Variants in ARHGDIB observed in about 807,000 individuals in gnomAD.
ARHGDIB encodes rho GDP-dissociation inhibitor 2.
In ARHGDIB, 20 loss-of-function variants were observed where a neutral mutation model predicts 22.6. The ratio of observed to expected loss-of-function variants is 0.88; its 90% CI spans 0.62 to 1.28. The LOEUF is 1.28. Ranked by LOEUF, ARHGDIB falls within the 50% of genes most tolerant of loss-of-function variation. The probability of loss-of-function intolerance (pLI) is 0.00; values close to 1 mark genes in which losing one functional copy is unlikely to be tolerated. For missense variants in ARHGDIB, 254 were observed against 245.4 expected, an observed-to-expected ratio of 1.04 and a Z score of -0.23; for synonymous variants, 114 against 96.1, an observed-to-expected ratio of 1.19 and a Z score of -1.09.
chr12:14,953,312 A>G (rs575836215), intron 1 of ARHGDIB, among the ~76,000 whole-genome samples: 1 of 152,324 alleles, frequency 6.6e-6, no homozygotes, highest in African/African-American at 2.4e-5. Flanking sequence ...AGACCAGGTG[A>G]TCCCAAACTA....
chr12:14,947,356 G>A (rs549353316), intron 4 of ARHGDIB, among the ~76,000 whole-genome samples: 19 of 152,262 alleles, frequency 1.2e-4, no homozygotes, highest in African/African-American at 4.6e-4. Flanking sequence ...CTTTAGCAAA[G>A]ATCACACTTC....
In ARHGDIB at chr12:14,950,532, C is replaced by G; in HGVS notation, c.181G>C (p.Asp61His). The change falls in exon 2 of 6, where the codon GAT becomes CAT. Residue 61 changes from aspartate to histidine, a missense_variant and splice_region_variant. Coordinates refer to ENST00000228945, the MANE Select transcript of ARHGDIB (RefSeq NM_001175.7). ...TLLGDGPVVT[D>H]PKAPNVVVTR... Reference sequence around the variant, plus strand: ...CACCCTGTTCTCTGTACACACATACCTGTCACCACAGGACCATCTCCCAGC... The same window carrying G: ...CACCCTGTTCTCTGTACACACATACGTGTCACCACAGGACCATCTCCCAGC... 6.2e-7 allele frequency: 1 copy of G among 1,611,430 alleles called. No individual in the cohort carries two copies. Among genetic ancestry groups the G allele is most frequent in the Non-Finnish European group, 8.5e-7 (1 of 1,178,532 alleles).
intron 2 of ARHGDIB, 121 bp downstream of exon 2, chr12:14,950,411 C>G: frequency 1.2e-6 from 1 of 822,728 alleles, no homozygotes; most frequent in Non-Finnish European, 1.9e-6. Context: ...TAAATTGTGC[C>G]TCGCTCACTT....
rs192485494 is a variant in ARHGDIB, at chr12:14,951,255, C to T, written c.-12-531G>A. On this transcript the variant is annotated intron_variant, in intron 1 of 5. Transcript: ENST00000228945. ...CTGTCCCTGAACTCCAGCAATGCCT[C>T]AAAGATGACTCATGACGAACCGTTG... is the stretch of plus-strand genomic sequence containing the variant. 1.9e-3 allele frequency: 286 copies of T among 153,426 alleles called. 2 individuals are homozygous for T. Among genetic ancestry groups the T allele is most frequent in the Non-Finnish European group, 1.2e-3 (81 of 68,566 alleles). The allele number at this position is 153,426 out of a possible 1,614,324, so 9.5% of individuals were successfully genotyped here.
chr12:14,952,098 A>G (rs1404619365), intron 1 of ARHGDIB, among the ~76,000 whole-genome samples: 1 of 152,176 alleles, frequency 6.6e-6, no homozygotes, highest in Non-Finnish European at 1.5e-5. Flanking sequence ...CACAACTATA[A>G]GAAAATGTCT....
chr12:14,959,633 C>T (rs780791992), intron 1 of ARHGDIB, among the ~76,000 whole-genome samples: 2 of 152,160 alleles, frequency 1.3e-5, no homozygotes, highest in Non-Finnish European at 2.9e-5. Context: ...CCCAAATCAG[C>T]TCAGACCCGT....
At chr12:14,947,820 T>C in intron 4 of ARHGDIB, 53 bp downstream of exon 4, 2 of 1,407,080 alleles carry the variant, frequency 1.4e-6, no homozygotes, top group Non-Finnish European at 2.0e-6. Flanking sequence ...ATGTAGTCAC[T>C]GATTAAAGAA....
Position 14,954,978 on chromosome 12 carries a change from T to G in ARHGDIB, c.-12-4254A>C, listed in dbSNP as rs970365122. Among the ~76,000 whole-genome samples the G allele has an allele frequency of 1.3e-5, 2 of 152,190 alleles. 1 individual carries two copies. The highest frequency in any genetic ancestry group is 3.8e-4 in the East Asian group (2 of 5,204). ...ATAAAATTCATCTTTAAAAGGAAAT[T>G]TAAAAATTAAAAAATAAAATGTATG... On this transcript the variant is annotated intron_variant, in intron 1 of 5. Transcript: ENST00000228945.
chr12:14,950,327 T>C (rs1864138573), intron 2 of ARHGDIB, among the ~76,000 whole-genome samples: 1 of 152,242 alleles, frequency 6.6e-6, no homozygotes, highest in Admixed American at 6.5e-5. Context: ...TATGTGTGCC[T>C]ATCTCACTGC....
At position 14,944,128 on chromosome 12, in the gene ARHGDIB, T is replaced by C. The variant is rs897409590; in HGVS notation, c.406+648A>G. On this transcript the variant is annotated intron_variant, in intron 5 of 5. Transcript: ENST00000228945. ...GACAGACCCTTAGGTAGAAAGGAACTGTAAAGTGCCTCCATCACCTTCCCG... is the reference window on the plus strand; with the variant it reads ...GACAGACCCTTAGGTAGAAAGGAACCGTAAAGTGCCTCCATCACCTTCCCG... Among the ~76,000 whole-genome samples the C allele has an allele frequency of 2.2e-3, 330 of 151,556 alleles. 1 individual carries two copies. Among genetic ancestry groups the C allele is most frequent in the African/African-American group, 7.5e-3 (309 of 41,268 alleles).
intron 1 of ARHGDIB, among the ~76,000 whole-genome samples, chr12:14,952,215 A>T (rs16910408): frequency 1.3e-5 from 2 of 149,416 alleles, no homozygotes; most frequent in African/African-American, 4.9e-5. Context: ...TGTCACTATT[A>T]TTGGCAAGAG....
chr12:14,943,776 T>C lies in ARHGDIB; in HGVS notation c.406+1000A>G, dbSNP rs145501943. ...TTAAGAATAGTTGGGCATTGAAAAG[T>C]ATACATAGGCAGATAGGTGGCATAT... is the stretch of plus-strand genomic sequence containing the variant. On this transcript the variant is annotated intron_variant, in intron 5 of 5. Coordinates refer to ENST00000228945, the MANE Select transcript of ARHGDIB (RefSeq NM_001175.7). Among the ~76,000 whole-genome samples, 294 of 152,268 alleles carry C rather than the reference T, an allele frequency of 1.9e-3. 6 individuals are homozygous for C. In the East Asian group the frequency reaches 0.028, roughly 15 times the overall value.
chr12:14,950,819 T>A, intron 1 of ARHGDIB, 95 bp from the exon 2 acceptor site: 1 of 917,440 alleles, frequency 1.1e-6, no homozygotes. Flanking sequence ...CCTCATGGAC[T>A]TCTCTGATCA....
chr12:14,952,991 G>A (rs908010240), intron 1 of ARHGDIB, among the ~76,000 whole-genome samples: 5 of 152,150 alleles, frequency 3.3e-5, no homozygotes, highest in African/African-American at 9.7e-5. Flanking sequence ...GAAAGAGAGC[G>A]AGAGAGGGAT....
chr12:14,951,851 T>C (rs1038497983), intron 1 of ARHGDIB, among the ~76,000 whole-genome samples: 2 of 151,904 alleles, frequency 1.3e-5, no homozygotes, highest in Admixed American at 1.3e-4. Context: ...ATTGAGGATA[T>C]TGAGATCCAG....
At chr12:14,949,591 G>C (rs570938152) in intron 3 of ARHGDIB, among the ~76,000 whole-genome samples, 32 of 152,272 alleles carry the variant, frequency 2.1e-4, no homozygotes, top group Non-Finnish European at 3.7e-4. Flanking sequence ...GTGTATGCCT[G>C]CACTCTCTTC....
chr12:14,942,371 T>C lies in ARHGDIB; in HGVS notation c.*151A>G, dbSNP rs1355272575. ...TAAGCCTCTTGTTCTAGGGACCACG[T>C]TGAGTGACAGGGTGGGAAAAGATGC... is the stretch of plus-strand genomic sequence containing the variant. On this transcript the variant is annotated 3_prime_UTR_variant, in exon 6 of 6. Transcript: ENST00000228945. 2.4e-6 allele frequency: 2 copies of C among 848,800 alleles called. No homozygotes were observed. Among genetic ancestry groups the C allele is most frequent in the Non-Finnish European group, 3.7e-6 (2 of 539,876 alleles). The allele number at this position is 848,800 out of a possible 1,614,324, so 52.6% of individuals were successfully genotyped here.
At chr12:14,946,924 C>T (rs1864029378) in intron 4 of ARHGDIB, among the ~76,000 whole-genome samples, 1 of 152,182 alleles carries the variant, frequency 6.6e-6, no homozygotes, top group Admixed American at 6.5e-5. Flanking sequence ...TAAGTGAACC[C>T]TAGCTCAGTG....
At chr12:14,953,771 C>G (rs1452296471) in intron 1 of ARHGDIB, among the ~76,000 whole-genome samples, 6 of 151,988 alleles carry the variant, frequency 3.9e-5, no homozygotes. Flanking sequence ...AAGCATGAAG[C>G]AGAGAGTGGA....
Sources: allele counts gnomAD v4.1 joint callset (sites outside exome capture counted in the v4.1 genomes callset), GRCh38; gene constraint gnomAD v4.1.1; transcripts MANE v1.5; gene names NCBI Gene and HGNC (gene_info 2026-07-23, HGNC 2026-07-21).